Variants in MARCHF4 observed in about 807,000 individuals in gnomAD.
The protein encoded by MARCHF4 is membrane associated ring-CH-type finger 4.
Under a neutral mutation model 43.9 loss-of-function variants are expected in MARCHF4, and 14 were observed. The ratio of observed to expected loss-of-function variants is 0.32; its 90% CI spans 0.21 to 0.50. The LOEUF is 0.50. MARCHF4 is among the 20% of genes least tolerant of loss of function. The probability of loss-of-function intolerance (pLI) is 0.98; values close to 1 mark genes in which losing one functional copy is unlikely to be tolerated. For synonymous variants in MARCHF4, 226 were observed against 213.3 expected, an observed-to-expected ratio of 1.06 and a Z score of -0.52; for missense variants, 468 against 536.7, an observed-to-expected ratio of 0.87 and a Z score of 1.27.
intron 1 of MARCHF4, among the ~76,000 whole-genome samples, chr2:216,299,253 AG>A (rs1463833525): frequency 6.6e-6 from 1 of 152,180 alleles, no homozygotes; most frequent in Non-Finnish European, 1.5e-5. Context: ...AAAGAGAACC[AG>A]GGGGTGCCTT....
At position 216,289,051 on chromosome 2, in the gene MARCHF4, A is replaced by T. The variant is rs1691263903; in HGVS notation, c.517-5322T>A. On this transcript the variant is annotated intron_variant, in intron 1 of 3. Coordinates refer to ENST00000273067, the MANE Select transcript of MARCHF4 (RefSeq NM_020814.3). ...TATATAAAAATTTATATATATATAA[A>T]CATATATATATATATATTTATTTTT... is the stretch of plus-strand genomic sequence containing the variant. 8.3e-4 allele frequency among the ~76,000 whole-genome samples: 8 copies of T among 9,588 alleles called. No individual in the cohort carries two copies. In the South Asian group the frequency reaches 0.14, roughly 165 times the overall value. The allele number at this position is 9,588 out of a possible 152,430, so 6.3% of individuals were successfully genotyped here. A position where few individuals can be genotyped will look rare whatever the true frequency, so the allele number is the denominator to read the frequency against.
At chr2:216,352,515 CT>C (rs1394800402) in intron 1 of MARCHF4, among the ~76,000 whole-genome samples, 2 of 151,994 alleles carry the variant, frequency 1.3e-5, no homozygotes, top group Admixed American at 1.3e-4. Context: ...TGAGCTTTTG[CT>C]TTTTTTGTTG....
chr2:216,304,224 T>C (rs1691543461), intron 1 of MARCHF4, among the ~76,000 whole-genome samples: 1 of 152,226 alleles, frequency 6.6e-6, no homozygotes, highest in African/African-American at 2.4e-5. Flanking sequence ...TATATACATA[T>C]AGATTCTAGA....
intron 1 of MARCHF4, among the ~76,000 whole-genome samples, chr2:216,369,114 A>G (rs1250025793): frequency 2.6e-5 from 4 of 152,208 alleles, no homozygotes; most frequent in Non-Finnish European, 4.4e-5. Flanking sequence ...GCCTGTTTTC[A>G]ACATAGAAAA....
At chr2:216,298,267 T>G (rs868354826) in intron 1 of MARCHF4, among the ~76,000 whole-genome samples, 5 of 140,772 alleles carry the variant, frequency 3.6e-5, no homozygotes, top group South Asian at 2.4e-4. Flanking sequence ...TTTTTTTTTT[T>G]TTTTTTTTTT....
chr2:216,341,603 G>A (rs1470604049), intron 1 of MARCHF4, among the ~76,000 whole-genome samples: 1 of 152,266 alleles, frequency 6.6e-6, no homozygotes, highest in Non-Finnish European at 1.5e-5. Context: ...AGTAGGCTTA[G>A]TACCTACTGT....
At chr2:216,307,447 T>C (rs1305765728) in intron 1 of MARCHF4, among the ~76,000 whole-genome samples, 1 of 152,094 alleles carries the variant, frequency 6.6e-6, no homozygotes, top group Non-Finnish European at 1.5e-5. Flanking sequence ...TGGAAGTTTC[T>C]GTGAGGAAGG....
intron 1 of MARCHF4, among the ~76,000 whole-genome samples, chr2:216,319,877 G>A (rs768013102): frequency 6.6e-5 from 10 of 152,120 alleles, no homozygotes; most frequent in Non-Finnish European, 1.2e-4. Flanking sequence ...ACCCCCAACT[G>A]CTTGGCCTGC....
At chr2:216,346,306 T>C (rs75289449) in intron 1 of MARCHF4, among the ~76,000 whole-genome samples, 4 of 144,390 alleles carry the variant, frequency 2.8e-5, no homozygotes, top group African/African-American at 1.0e-4. Context: ...GCTCTGCTTC[T>C]TTGGTACCCA....
At chr2:216,289,982 A>G (rs2105944285) in intron 1 of MARCHF4, among the ~76,000 whole-genome samples, 1 of 152,322 alleles carries the variant, frequency 6.6e-6, no homozygotes, top group African/African-American at 2.4e-5. Flanking sequence ...GGCCTTGCTC[A>G]ATTATCATTT....
chr2:216,300,358 A>ATGTATATACGTATATATATATGTG (rs1553516808), intron 1 of MARCHF4, among the ~76,000 whole-genome samples: 4 of 143,380 alleles, frequency 2.8e-5, no homozygotes, highest in African/African-American at 1.1e-4. Context: ...ATGTATATAT[A>ATGTATATACGTATATATATATGTG]TATATATATA....
chr2:216,370,571 G>A lies in MARCHF4; in HGVS notation c.-311C>T, dbSNP rs1692743672. 1 of 284,574 alleles carries A rather than the reference G, an allele frequency of 3.5e-6. No individual in the cohort carries two copies. Among genetic ancestry groups the A allele is most frequent in the Admixed American group, 4.9e-5 (1 of 20,506 alleles). 17.6% of individuals were successfully genotyped at this position (284,574 alleles called of 1,614,324 possible). On this transcript the variant is annotated 5_prime_UTR_variant, in exon 1 of 4. Coordinates refer to ENST00000273067, the MANE Select transcript of MARCHF4 (RefSeq NM_020814.3). The stretch of plus-strand genomic sequence containing the variant: ...TTTTGACCTGAGGACACTGGTAGGA[G>A]CAGAGGGATTGAAGAAGCGTGGTGG...
chr2:216,288,474 G>A (rs440866), intron 1 of MARCHF4, among the ~76,000 whole-genome samples: 71,071 of 151,910 alleles, frequency 0.47, 17,194 homozygotes, highest in East Asian at 0.71. Context: ...AAAAGAGTCA[G>A]TTGAGTCACC....
intron 1 of MARCHF4, among the ~76,000 whole-genome samples, chr2:216,298,088 C>T (rs13386173): frequency 1.1e-4 from 16 of 152,042 alleles, no homozygotes; most frequent in African/African-American, 3.9e-4. Flanking sequence ...GGTGACCCAA[C>T]TTCATGTTCC....
In MARCHF4 at chr2:216,370,178, G is replaced by A. The variant is rs1411925844; in HGVS notation, c.83C>T (p.Ala28Val). The A allele has an allele frequency of 5.6e-6, 9 of 1,612,294 alleles. No homozygotes were observed. The highest frequency in any genetic ancestry group is 7.6e-6 in the Non-Finnish European group (9 of 1,179,494). The change falls in exon 1 of 4, where the codon GCC becomes GTC. Residue 28 changes from alanine to valine, a missense_variant. Around this residue, in one of 3 missense-constraint regions of MARCHF4, gnomAD observed 190 missense variants for 158.5 expected, o/e 1.20. Transcript: ENST00000273067. ...ACCCTGGTGGCGCAACATCTGGGGG[G>A]CTGGGGCACACAATCCATAGCAGTA... ...GWYCYGLCAPAPQMLRHQGLL... is the reference protein window; with the variant it reads ...GWYCYGLCAPVPQMLRHQGLL...
chr2:216,263,539 AAG>A (rs1342980579), intron 3 of MARCHF4, among the ~76,000 whole-genome samples: 5 of 122,846 alleles, frequency 4.1e-5, no homozygotes, highest in South Asian at 2.9e-4. Context: ...GAGAGAGAGA[AAG>A]AGAGAGAGAG....
chr2:216,313,611 T>A (rs961885214), intron 1 of MARCHF4, among the ~76,000 whole-genome samples: 2 of 152,176 alleles, frequency 1.3e-5, no homozygotes, highest in African/African-American at 4.8e-5. Flanking sequence ...TAAGCAAGTG[T>A]CCCTATCTTC....
chr2:216,316,211 C>G (rs903203997), intron 1 of MARCHF4, among the ~76,000 whole-genome samples: 1 of 152,204 alleles, frequency 6.6e-6, no homozygotes, highest in Non-Finnish European at 1.5e-5. Flanking sequence ...CTTCCGCCTT[C>G]GAGGCTGTGA....
chr2:216,277,368 T>A (rs1179619248), intron 3 of MARCHF4, among the ~76,000 whole-genome samples: 1 of 152,168 alleles, frequency 6.6e-6, no homozygotes, highest in Non-Finnish European at 1.5e-5. Flanking sequence ...GCCATGCACA[T>A]CCTGCTTGAA....
Sources: allele counts gnomAD v4.1 joint callset (sites outside exome capture counted in the v4.1 genomes callset), GRCh38; gene constraint gnomAD v4.1.1; regional missense constraint gnomAD v4.1.1; transcripts MANE v1.5; gene names NCBI Gene and HGNC (gene_info 2026-07-23, HGNC 2026-07-21).